The following DLGAP1 variants were observed in gnomAD, a reference collection of about 807,000 sequenced individuals.
DLGAP1 encodes disks large-associated protein 1.
A neutral mutation model predicts 90.8 loss-of-function variants in DLGAP1; 11 were observed. The ratio of observed to expected loss-of-function variants is 0.12; its 90% confidence interval spans 0.08 to 0.20. DLGAP1 has a LOEUF of 0.20. Among genes scored for constraint, DLGAP1 ranks in the 10% least tolerant of loss-of-function variants. The probability of loss-of-function intolerance (pLI) is 1.00; values close to 1 mark genes in which losing one functional copy is unlikely to be tolerated. For synonymous variants in DLGAP1, 558 were observed against 540.7 expected (o/e 1.03, Z -0.44); for missense variants, 1,050 against 1,333.8 (o/e 0.79, Z 3.31).
chr18:4,164,243 G>T (rs914626656), intron 1 of DLGAP1, among the ~76,000 whole-genome samples: 2 of 152,028 alleles, frequency 1.3e-5, no homozygotes, highest in African/African-American at 4.8e-5. Flanking sequence ...ATTAAAAAAA[G>T]AAAAATCACC....
At chr18:4,056,663 G>A (rs542873391) in intron 2 of DLGAP1, among the ~76,000 whole-genome samples, 151 of 152,238 alleles carry the variant, frequency 9.9e-4, no homozygotes, top group Non-Finnish European at 9.6e-4. Flanking sequence ...TCAGGCTGTG[G>A]TCTGAGGTCT....
intron 7 of DLGAP1, among the ~76,000 whole-genome samples, chr18:3,679,112 G>T (rs1367868726): frequency 6.6e-6 from 1 of 152,048 alleles, no homozygotes; most frequent in Non-Finnish European, 1.5e-5. Flanking sequence ...GATTACAGGC[G>T]CATGCCACTG....
intron 9 of DLGAP1, among the ~76,000 whole-genome samples, chr18:3,553,780 A>T (rs1232552231): frequency 6.6e-6 from 1 of 152,042 alleles, no homozygotes; most frequent in Non-Finnish European, 1.5e-5. Context: ...TGATCCACCC[A>T]CCTCGGTCCC....
chr18:3,954,661 T>C (rs1437221063), intron 3 of DLGAP1, among the ~76,000 whole-genome samples: 3 of 152,156 alleles, frequency 2.0e-5, no homozygotes, highest in African/African-American at 7.2e-5. Flanking sequence ...CAGATGATGA[T>C]AAATACAAGA....
intron 1 of DLGAP1, among the ~76,000 whole-genome samples, chr18:4,370,777 T>C (rs376786897): frequency 6.8e-6 from 1 of 147,154 alleles, no homozygotes; most frequent in African/African-American, 2.5e-5. Context: ...GTTTTTTTTT[T>C]CAGAAATAAG....
chr18:3,979,864 G>A (rs755194945), intron 3 of DLGAP1, among the ~76,000 whole-genome samples: 4 of 152,210 alleles, frequency 2.6e-5, no homozygotes, highest in East Asian at 1.9e-4. Flanking sequence ...AGCTGGGCGC[G>A]GTGGCTCACG....
intron 7 of DLGAP1, among the ~76,000 whole-genome samples, chr18:3,611,295 C>T (rs1022471082): frequency 1.3e-5 from 2 of 152,100 alleles, no homozygotes; most frequent in Non-Finnish European, 2.9e-5. Flanking sequence ...GGCCCGCATC[C>T]CCCTAACTGA....
chr18:3,583,211 T>A (rs1409394054), intron 7 of DLGAP1, among the ~76,000 whole-genome samples: 1 of 146,496 alleles, frequency 6.8e-6, no homozygotes, highest in Non-Finnish European at 1.5e-5. Flanking sequence ...CCTTCCTTCC[T>A]TCCCTCCTCC....
chr18:3,600,775 GATATATAGATATAT>G (rs2056890573), intron 7 of DLGAP1, among the ~76,000 whole-genome samples: 1 of 11,106 alleles, frequency 9.0e-5, no homozygotes, highest in Admixed American at 6.3e-4. Flanking sequence ...GATATATATA[GATATATAGATATAT>G]ATAGATATAT....
intron 9 of DLGAP1, among the ~76,000 whole-genome samples, chr18:3,537,189 G>A (rs765373700): frequency 7.2e-5 from 11 of 151,954 alleles, no homozygotes; most frequent in Non-Finnish European, 1.3e-4. Context: ...TGCAACCATC[G>A]CCACCATCCA....
intron 7 of DLGAP1, among the ~76,000 whole-genome samples, chr18:3,685,825 A>G (rs918023005): frequency 6.6e-6 from 1 of 152,156 alleles, no homozygotes; most frequent in Non-Finnish European, 1.5e-5. Flanking sequence ...ATCAAACACA[A>G]TTGCTCTTCA....
At chr18:4,200,622 A>C (rs1246849190) in intron 1 of DLGAP1, among the ~76,000 whole-genome samples, 1 of 151,784 alleles carries the variant, frequency 6.6e-6, no homozygotes, top group East Asian at 1.9e-4. Context: ...AATATTGTGA[A>C]AATATTAAAA....
At chr18:3,769,849 G>A (rs984462503) in intron 5 of DLGAP1, among the ~76,000 whole-genome samples, 1 of 109,268 alleles carries the variant, frequency 9.2e-6, no homozygotes, top group South Asian at 2.6e-4. Context: ...CACGGTGGGT[G>A]GGGGGGGAAA....
chr18:3,995,178 A>C (rs1383909433), intron 3 of DLGAP1: 2 of 150,512 alleles, frequency 1.3e-5, no homozygotes, highest in African/African-American at 4.9e-5. Context: ...AGTGGCTGGC[A>C]TTATGGATTA....
chr18:3,660,452 G>A lies in DLGAP1; in HGVS notation c.1591+68683C>T, dbSNP rs2059646402. 6.6e-6 allele frequency among the ~76,000 whole-genome samples: 1 copy of A among 152,252 alleles called. No individual in the cohort carries two copies. Among genetic ancestry groups the A allele is most frequent in the South Asian group, 2.1e-4 (1 of 4,838 alleles). ...AACCTGGTCTGTTTTGTTTGCTGCT[G>A]TAACTCCTCTGCCCAGAAATTTGTA... On this transcript the variant is annotated intron_variant, in intron 7 of 12. Coordinates refer to ENST00000315677, the MANE Select transcript of DLGAP1 (RefSeq NM_004746.4). The surrounding 1 kb of genome is among the most constrained non-coding windows in gnomAD (Gnocchi z 4.2).
chr18:4,168,088 T>TAA (rs1228368150), intron 1 of DLGAP1, among the ~76,000 whole-genome samples: 1 of 152,148 alleles, frequency 6.6e-6, no homozygotes, highest in African/African-American at 2.4e-5. Context: ...GAGAAGCTTT[T>TAA]AAAAAAATGT....
chr18:3,892,900 A>T (rs1412992214), intron 3 of DLGAP1, among the ~76,000 whole-genome samples: 1 of 146,720 alleles, frequency 6.8e-6, no homozygotes, highest in Non-Finnish European at 1.5e-5. Context: ...ATAAATATAT[A>T]TAAATATATA....
intron 7 of DLGAP1, among the ~76,000 whole-genome samples, chr18:3,638,113 A>AT (rs2058789027): frequency 1.3e-5 from 2 of 150,974 alleles, no homozygotes; most frequent in Admixed American, 6.6e-5. Context: ...CGCCAGGCTA[A>AT]TTTTTTGTAT....
rs559783711 is a variant in DLGAP1, at chr18:3,584,485, G to A, written c.1592-2237C>T. On this transcript the variant is annotated intron_variant, in intron 7 of 12. Transcript: ENST00000315677. ...CAAAAGGACTCTATTATGCTGTCCT[G>A]CTGTTTCAGTGGCCTATGATTTGGA... Among the ~76,000 whole-genome samples, 20 of 152,306 alleles carry A rather than the reference G, an allele frequency of 1.3e-4. No homozygotes were observed. In the South Asian group the frequency reaches 4.1e-3, roughly 32 times the overall value.
Sources: gnomAD v4.1 joint callset for allele counts (sites outside exome capture counted in the v4.1 genomes callset) on GRCh38, gnomAD v4.1.1 for gene constraint, Gnocchi (gnomAD v3.1) non-coding constraint, MANE v1.5 for transcripts, NCBI Gene and HGNC (gene_info 2026-07-23, HGNC 2026-07-21) for gene names.